Variants in DIAPH3 observed in about 807,000 individuals in gnomAD.
The protein encoded by DIAPH3 is diaphanous related formin 3.
In DIAPH3, 117 loss-of-function variants were observed where a neutral mutation model predicts 144.3. The ratio of observed to expected loss-of-function variants is 0.81; its 90% CI spans 0.70 to 0.95. The LOEUF (loss-of-function observed/expected upper bound fraction) is 0.95. DIAPH3 is among the 40% of genes least tolerant of loss of function. The pLI is 0.00. For synonymous variants in DIAPH3, 519 were observed against 488.9 expected (o/e 1.06, Z -0.81); for missense variants, 1,421 against 1,412.7 (o/e 1.01, Z -0.09).
chr13:60,091,386 C>A (rs1447849885), intron 4 of DIAPH3, among the ~76,000 whole-genome samples: 1 of 152,182 alleles, frequency 6.6e-6, no homozygotes, highest in Non-Finnish European at 1.5e-5. Flanking sequence ...CAACCTCTGC[C>A]TTATGGGCTC....
In DIAPH3 at chr13:60,139,192, C is replaced by T. The variant is rs187751820; in HGVS notation, c.181-6203G>A. Reference sequence around the variant, plus strand: ...TCTTCAAGGGCTCCAGATTTAACATCTAAGAAAGGTCCAAAAATAATACTG... The same window carrying T: ...TCTTCAAGGGCTCCAGATTTAACATTTAAGAAAGGTCCAAAAATAATACTG... On this transcript the variant is annotated intron_variant, in intron 1 of 27. Coordinates refer to ENST00000400324, the MANE Select transcript of DIAPH3 (RefSeq NM_001042517.2). Among the ~76,000 whole-genome samples, 3 of 152,272 alleles carry T rather than the reference C, an allele frequency of 2.0e-5. No homozygotes were observed. The East Asian group carries it at 5.8e-4, about 29-fold the overall frequency.
chr13:59,862,873 T>A (rs1240729218), intron 21 of DIAPH3, among the ~76,000 whole-genome samples: 1 of 152,094 alleles, frequency 6.6e-6, no homozygotes, highest in Non-Finnish European at 1.5e-5. Context: ...AAGTAAGACA[T>A]TTTTGCTCTC....
chr13:59,978,115 A>G (rs2050777756), intron 14 of DIAPH3, among the ~76,000 whole-genome samples: 1 of 151,764 alleles, frequency 6.6e-6, no homozygotes, highest in South Asian at 2.1e-4. Flanking sequence ...AAAATTGTCA[A>G]AATAACACTC....
At chr13:59,687,002 C>T (rs1055812233) in intron 27 of DIAPH3, among the ~76,000 whole-genome samples, 6 of 152,010 alleles carry the variant, frequency 3.9e-5, no homozygotes, top group Non-Finnish European at 8.8e-5. Flanking sequence ...TCTTTGTCTG[C>T]TCTTAGTTGA....
At chr13:60,158,906 TA>T (rs71197285) in intron 1 of DIAPH3, among the ~76,000 whole-genome samples, 7,140 of 76,862 alleles carry the variant, frequency 0.093, 309 homozygotes, top group Admixed American at 0.19. Flanking sequence ...TGGCCCCTCT[TA>T]AAAAAAAAAA....
At chr13:59,846,352 T>C (rs1029717550) in intron 22 of DIAPH3, among the ~76,000 whole-genome samples, 11 of 152,128 alleles carry the variant, frequency 7.2e-5, no homozygotes, top group African/African-American at 1.7e-4. Context: ...TCCAGGGAAA[T>C]TGATTTCTTT....
intron 24 of DIAPH3, among the ~76,000 whole-genome samples, chr13:59,831,782 T>A (rs2041794081): frequency 6.6e-6 from 1 of 151,924 alleles, no homozygotes; most frequent in South Asian, 2.1e-4. Context: ...TTCTTTGGAA[T>A]ATGAAGGTTT....
At chr13:59,987,227 G>A (rs185504596) in intron 12 of DIAPH3, among the ~76,000 whole-genome samples, 17 of 149,052 alleles carry the variant, frequency 1.1e-4, no homozygotes, top group Admixed American at 2.7e-4. Context: ...TCGCAAGAAC[G>A]AAAAACCAAA....
At chr13:59,763,172 G>A (rs9538516) in intron 27 of DIAPH3, among the ~76,000 whole-genome samples, 52,784 of 151,636 alleles carry the variant, frequency 0.35, 9,643 homozygotes, top group African/African-American at 0.45. Flanking sequence ...CATATCCAAG[G>A]GATCCTTGTT....
At chr13:60,124,001 G>A (rs1049952852) in intron 2 of DIAPH3, among the ~76,000 whole-genome samples, 21 of 152,222 alleles carry the variant, frequency 1.4e-4, no homozygotes, top group African/African-American at 4.8e-4. Flanking sequence ...TAAATATGAT[G>A]TATAATTTAG....
At chr13:60,070,282 ATTT>A (rs61432510) in intron 4 of DIAPH3, among the ~76,000 whole-genome samples, 8 of 132,526 alleles carry the variant, frequency 6.0e-5, no homozygotes, top group Non-Finnish European at 1.1e-4. Context: ...TTTCTGTTGG[ATTT>A]TTTTTTTTTT....
At chr13:59,880,616 T>A (rs370632810) in intron 20 of DIAPH3, among the ~76,000 whole-genome samples, 1 of 152,104 alleles carries the variant, frequency 6.6e-6, no homozygotes, top group African/African-American at 2.4e-5. Flanking sequence ...CAAAGGCTTA[T>A]AAGACTCCAA....
At chr13:59,764,358 T>A (rs1284124977) in intron 27 of DIAPH3, among the ~76,000 whole-genome samples, 1 of 151,642 alleles carries the variant, frequency 6.6e-6, no homozygotes, top group African/African-American at 2.4e-5. Flanking sequence ...CATTTTCAGC[T>A]CTATGGCTCA....
chr13:59,754,546 T>G (rs2037164236), intron 27 of DIAPH3, among the ~76,000 whole-genome samples: 1 of 152,210 alleles, frequency 6.6e-6, no homozygotes, highest in African/African-American at 2.4e-5. Flanking sequence ...ATCCTGACTC[T>G]GCCACTTAAT....
At chr13:59,868,478 C>A (rs955212229) in intron 21 of DIAPH3, among the ~76,000 whole-genome samples, 1 of 151,972 alleles carries the variant, frequency 6.6e-6, no homozygotes, top group Non-Finnish European at 1.5e-5. Flanking sequence ...TCCTGTATAC[C>A]CTTCCCTACA....
chr13:59,829,742 A>G (rs987472016), intron 24 of DIAPH3, among the ~76,000 whole-genome samples: 1 of 151,874 alleles, frequency 6.6e-6, no homozygotes, highest in African/African-American at 2.4e-5. Flanking sequence ...GATTAGAGGG[A>G]TGAGTATGAT....
At chr13:59,948,113 TA>T (rs1413070314) in intron 17 of DIAPH3, among the ~76,000 whole-genome samples, 1 of 152,180 alleles carries the variant, frequency 6.6e-6, no homozygotes, top group Non-Finnish European at 1.5e-5. Flanking sequence ...AAATTAAAGC[TA>T]ATCTGAAAGA....
intron 17 of DIAPH3, among the ~76,000 whole-genome samples, chr13:59,954,860 C>G (rs1417703157): frequency 6.6e-6 from 1 of 151,970 alleles, no homozygotes; most frequent in African/African-American, 2.4e-5. Flanking sequence ...CATGAGGCAG[C>G]ACTAAGGGGA....
At chr13:59,755,164 T>G in intron 27 of DIAPH3, among the ~76,000 whole-genome samples, 1 of 152,198 alleles carries the variant, frequency 6.6e-6, no homozygotes, top group South Asian at 2.1e-4. Flanking sequence ...ATTCAGTACT[T>G]ATTTTCAATT....
Sources: allele counts gnomAD v4.1 joint callset (sites outside exome capture counted in the v4.1 genomes callset), GRCh38; gene constraint gnomAD v4.1.1; transcripts MANE v1.5; gene names NCBI Gene and HGNC (gene_info 2026-07-23, HGNC 2026-07-21).